VSX1: variants seen among roughly 807,000 people sequenced by gnomAD.
The protein encoded by VSX1 is homeodomain protein RINX.
A neutral mutation model predicts 23.6 loss-of-function variants in VSX1; 23 were observed. The observed-to-expected ratio is 0.97, with a 90% CI of 0.70 to 1.38. The LOEUF is 1.38. VSX1 is among the 40% of genes most tolerant of loss of function. The pLI is 0.00. For missense variants in VSX1, 517 were observed against 495.4 expected, an observed-to-expected ratio of 1.04 and a Z score of -0.41; for synonymous variants, 247 against 215.1, an observed-to-expected ratio of 1.15 and a Z score of -1.30.
chr20:25,071,085 C>G (rs971578134), downstream of VSX1: 5 of 453,928 alleles, frequency 1.1e-5, no homozygotes, highest in African/African-American at 8.0e-5. Context: ...GGGTTGAGAT[C>G]AGGGGTCAAA....
In VSX1 at chr20:25,079,521, G is replaced by T; in HGVS notation, c.425-7C>A. On this transcript the variant is annotated splice_polypyrimidine_tract_variant and splice_region_variant and intron_variant, in intron 1 of 4. Coordinates refer to ENST00000376709, the MANE Select transcript of VSX1 (RefSeq NM_014588.6). ...TCAGACTGGCTGTCCTCATCTGATG[G>T]CACAGAAAGAAGAAGAGGACTTTAA... 2 of 1,608,610 alleles carry T rather than the reference G, an allele frequency of 1.2e-6. No individual in the cohort carries two copies. The highest frequency in any genetic ancestry group is 1.7e-6 in the Non-Finnish European group (2 of 1,177,070).
chr20:25,078,627 G>C, intron 3 of VSX1: 1 of 1,446,116 alleles, frequency 6.9e-7, no homozygotes. Context: ...AGAATGATTT[G>C]ATACTAAATA....
At chr20:25,079,308 C>T (rs1197277829) in intron 2 of VSX1, 128 bp downstream of exon 2, 6 of 948,354 alleles carry the variant, frequency 6.3e-6, no homozygotes, top group South Asian at 5.2e-5. Context: ...CTGTGCCCTT[C>T]CCATTGCCAA....
intron 3 of VSX1, 100 bp downstream of exon 3, chr20:25,078,729 G>T: frequency 5.0e-6 from 8 of 1,613,984 alleles, no homozygotes; most frequent in Non-Finnish European, 6.8e-6. Flanking sequence ...CAAAGGGAGC[G>T]TGTTGGCTAT....
Position 25,080,469 on chromosome 20 carries a change from C to A in VSX1, c.425-955G>T, listed in dbSNP as rs187280745. ...CTTAATGGAGTTAGAAGACTTAGTG[C>A]TCCTAAAAAGTAAAATATTTTTGTA... On this transcript the variant is annotated intron_variant, in intron 1 of 4. Transcript: ENST00000376709. 5.9e-5 allele frequency among the ~76,000 whole-genome samples: 9 copies of A among 152,294 alleles called. No homozygotes were observed. In the East Asian group the frequency reaches 1.3e-3, roughly 23 times the overall value.
In VSX1 at chr20:25,078,272, T is replaced by C. The variant is rs1344970326; in HGVS notation, c.628-407A>G. Among the ~76,000 whole-genome samples the C allele has an allele frequency of 5.9e-5, 9 of 152,342 alleles. No homozygotes were observed. In the East Asian group the frequency reaches 1.7e-3, roughly 29 times the overall value. Reference sequence around the variant, plus strand: ...CTGGCTCCTTCCGAGCTTAGGCTATTGGGTTGCTGGTGATATTTCTCATTA... The same window carrying C: ...CTGGCTCCTTCCGAGCTTAGGCTATCGGGTTGCTGGTGATATTTCTCATTA... On this transcript the variant is annotated intron_variant, in intron 3 of 4. Transcript: ENST00000376709.
Position 25,078,930 on chromosome 20 carries a change from G to A in VSX1, c.526C>T (p.Leu176=). Residue 176 remains leucine, a synonymous_variant, in exon 3 of 5, where the codon CTG becomes TTG. Coordinates refer to ENST00000376709, the MANE Select transcript of VSX1 (RefSeq NM_014588.6). The part of the protein sequence containing the change: ...RHRTVFTAHQ[L]EELEKAFSEA... ...CTGAATGCCTTCTCCAACTCTTCCA[G>A]CTGGTGAGCAGTGAAAACTGTCCTG... 2.0e-5 allele frequency: 33 copies of A among 1,614,094 alleles called. No individual in the cohort carries two copies. Among genetic ancestry groups the A allele is most frequent in the Non-Finnish European group, 2.8e-5 (33 of 1,180,032 alleles).
chr20:25,070,890 G>A, downstream of VSX1: 1 of 399,832 alleles, frequency 2.5e-6, no homozygotes, highest in Non-Finnish European at 4.8e-6. Context: ...TGCAATTTTT[G>A]TCAATTAAAA....
chr20:25,081,828 G>A lies in VSX1; in HGVS notation c.269C>T (p.Thr90Met). 2 of 1,505,486 alleles carry A rather than the reference G, an allele frequency of 1.3e-6. No individual in the cohort carries two copies. Among genetic ancestry groups the A allele is most frequent in the South Asian group, 2.5e-5 (2 of 81,148 alleles). 93.3% of individuals were successfully genotyped at this position (1,505,486 alleles called of 1,614,324 possible). Residue 90 changes from threonine to methionine, a missense_variant, in exon 1 of 5, where the codon ACG becomes ATG. Physicochemically the swap from Thr to Met is moderately conservative, Grantham distance 81. Coordinates refer to ENST00000376709, the MANE Select transcript of VSX1 (RefSeq NM_014588.6). ...TGCTCGAGCGGCCGCCGGCGGCTGC[G>A]TGCCGAAGCCACAGAGGAGGCCGAG... is the stretch of plus-strand genomic sequence containing the variant. ...LGLGLLCGFG[T>M]QPPAAARAPC...
At chr20:25,072,601 T>C (rs571208143), downstream of VSX1, 1 of 471,184 alleles carries the variant, frequency 2.1e-6, no homozygotes, top group African/African-American at 2.0e-5. Flanking sequence ...ACAATCGGCT[T>C]AGCAGGTTCA....
chr20:25,079,641 AT>A, intron 1 of VSX1, 127 bp from the exon 2 acceptor site: 1 of 864,496 alleles, frequency 1.2e-6, no homozygotes, highest in Non-Finnish European at 1.8e-6. Context: ...ATGAGCCAGC[AT>A]TTTTAGTGCC....
downstream of VSX1, chr20:25,072,411 CGT>C (rs2089398636): frequency 7.0e-6 from 3 of 429,548 alleles, no homozygotes; most frequent in Admixed American, 4.9e-5. Context: ...TCTGTCCACA[CGT>C]GTGTGTGCTG....
intron 1 of VSX1, among the ~76,000 whole-genome samples, chr20:25,079,897 A>G (rs1259401368): frequency 2.6e-5 from 4 of 152,144 alleles, no homozygotes; most frequent in African/African-American, 7.2e-5. Context: ...TGCACTTTCT[A>G]TCCCCACACT....
At chr20:25,072,155 C>A (rs947595671), downstream of VSX1, 25 of 569,736 alleles carry the variant, frequency 4.4e-5, no homozygotes, top group East Asian at 7.1e-4. Flanking sequence ...ACAATTGTGA[C>A]CTTAAAATGG....
At chr20:25,077,584 G>A in intron 4 of VSX1, 101 bp downstream of exon 4, 5 of 1,393,304 alleles carry the variant, frequency 3.6e-6, no homozygotes, top group Non-Finnish European at 4.9e-6. Flanking sequence ...GTAAACTGAC[G>A]TTGCTTTGCT....
chr20:25,081,826 G>A lies in VSX1; in HGVS notation c.271C>T (p.Gln91Ter), dbSNP rs1383383794. ...GLGLLCGFGT[Q>*]PPAAARAPCL... is the part of the protein sequence containing the mutation. The stretch of plus-strand genomic sequence containing the variant: ...GGTGCTCGAGCGGCCGCCGGCGGCT[G>A]CGTGCCGAAGCCACAGAGGAGGCCG... Residue 91 changes from glutamine to a stop codon, truncating the protein, a stop_gained, in exon 1 of 5, where the codon CAG becomes TAG. Transcript: ENST00000376709. LOFTEE classifies it high-confidence loss of function. The A allele has an allele frequency of 2.7e-6, 4 of 1,504,866 alleles. No individual in the cohort carries two copies. Among genetic ancestry groups the A allele is most frequent in the Non-Finnish European group, 3.5e-6 (4 of 1,135,732 alleles). 93.2% of individuals were successfully genotyped at this position (1,504,866 alleles called of 1,614,324 possible). A position where few individuals can be genotyped will look rare whatever the true frequency, so the allele number is the denominator to read the frequency against.
chr20:25,078,705 C>A, intron 3 of VSX1, 124 bp downstream of exon 3: 1 of 1,610,644 alleles, frequency 6.2e-7, no homozygotes, highest in Non-Finnish European at 8.5e-7. Flanking sequence ...GCTAAGGGAC[C>A]CTCAGTTTCT....
Position 25,076,240 on chromosome 20 carries a change from T to C in VSX1, c.*21A>G. The C allele has an allele frequency of 6.2e-7, 1 of 1,613,750 alleles. No homozygotes were observed. On this transcript the variant is annotated 3_prime_UTR_variant, in exon 5 of 5. Transcript: ENST00000376709. The stretch of plus-strand genomic sequence containing the variant: ...GAGGAATATGCACATTTTCAGCCTT[T>C]GACAGTGGGACCTGTGGGTCTCATG...
Position 25,079,467 on chromosome 20 carries a change from T to A in VSX1, c.472A>T (p.Thr158Ser). The A allele has an allele frequency of 6.2e-7, 1 of 1,612,938 alleles. No homozygotes were observed. The highest frequency in any genetic ancestry group is 2.2e-5 in the East Asian group (1 of 44,878). ...EDRNDLKASP[T>S]LGKRKKRRHR... The stretch of plus-strand genomic sequence containing the variant: ...CGCCGCTTCTTCCTCTTGCCCAAGG[T>A]GGGGGATGCCTTTAGGTCATTCCTG... Residue 158 changes from threonine (T) to serine (S), a missense_variant, in exon 2 of 5, where the codon ACC becomes TCC. Coordinates refer to ENST00000376709, the MANE Select transcript of VSX1 (RefSeq NM_014588.6).
Sources: gnomAD v4.1 joint callset for allele counts (sites outside exome capture counted in the v4.1 genomes callset) on GRCh38, gnomAD v4.1.1 for gene constraint, MANE v1.5 for transcripts, NCBI Gene and HGNC (gene_info 2026-07-23, HGNC 2026-07-21) for gene names.